SPG11: variants seen among roughly 807,000 people sequenced by gnomAD.
SPG11 encodes SPG11 vesicle trafficking associated, spatacsin, also known as spatacsin.
A neutral mutation model predicts 274.0 loss-of-function variants in SPG11; 222 were observed. The ratio of observed to expected loss-of-function variants is 0.81; its 90% CI spans 0.73 to 0.91. The LOEUF (loss-of-function observed/expected upper bound fraction) is 0.91. Among genes scored for constraint, SPG11 ranks in the 40% least tolerant of loss-of-function variants. SPG11 has a pLI of 0.00. For missense variants in SPG11, 3,114 were observed against 2,872.7 expected (o/e 1.08, Z -1.92); for synonymous variants, 1,144 against 1,039.7 (o/e 1.10, Z -1.93).
At chr15:44,568,027 T>C (rs1248100771) in intron 35 of SPG11, among the ~76,000 whole-genome samples, 2 of 152,178 alleles carry the variant, frequency 1.3e-5, no homozygotes, top group East Asian at 1.9e-4. Context: ...ATTTGGGAAA[T>C]AGTCATGATA....
At chr15:44,653,567 G>A (rs145967995) in intron 4 of SPG11, among the ~76,000 whole-genome samples, 11 of 152,264 alleles carry the variant, frequency 7.2e-5, no homozygotes, top group African/African-American at 2.4e-4. Flanking sequence ...TAGGCATGAG[G>A]AGATCAAGTA....
chr15:44,599,472 G>T (rs998851837), intron 21 of SPG11, among the ~76,000 whole-genome samples: 2 of 151,988 alleles, frequency 1.3e-5, no homozygotes, highest in African/African-American at 4.8e-5. Flanking sequence ...GCTAATTTTT[G>T]TATTTTTAGT....
intron 28 of SPG11, 123 bp downstream of exon 28, chr15:44,589,129 C>G (rs372169961): frequency 3.1e-6 from 3 of 954,280 alleles, no homozygotes; most frequent in Non-Finnish European, 1.6e-6. Context: ...CTTGTTTACT[C>G]CCAGTTGTAG....
intron 14 of SPG11, chr15:44,621,109 G>T (rs926242530): frequency 6.5e-6 from 1 of 153,346 alleles, no homozygotes; most frequent in African/African-American, 2.4e-5. Flanking sequence ...AAATTTCTGG[G>T]ATTACAGGTG....
At chr15:44,563,452 C>T (rs1479453846) in intron 39 of SPG11, 151 bp from the exon 40 acceptor site, 3 of 674,920 alleles carry the variant, frequency 4.4e-6, no homozygotes. Flanking sequence ...GATTCTTGTG[C>T]CTCAGCCTCC....
At chr15:44,567,731 T>A in intron 35 of SPG11, 139 bp from the exon 36 acceptor site, 1 of 886,152 alleles carries the variant, frequency 1.1e-6, no homozygotes, top group Non-Finnish European at 1.8e-6. Context: ...ATACAAGTTT[T>A]ATGCTGTCCC....
chr15:44,566,079 A>G, intron 37 of SPG11, 70 bp from the exon 38 acceptor site: 1 of 1,599,762 alleles, frequency 6.3e-7, no homozygotes, highest in South Asian at 1.1e-5. Flanking sequence ...AACCCTCACA[A>G]CGGTATTCAC....
At position 44,567,390 on chromosome 15, in the gene SPG11, A is replaced by T. The variant is rs745487018; in HGVS notation, c.6754+34T>A. The T allele has an allele frequency of 4.4e-6, 7 of 1,593,568 alleles. No homozygotes were observed. In the Admixed American group the frequency reaches 1.2e-4, roughly 27 times the overall value. On this transcript the variant is annotated intron_variant, in intron 36 of 39. Coordinates refer to ENST00000261866, the MANE Select transcript of SPG11 (RefSeq NM_025137.4). ...AAAGGAATTTTACCTAGCTAGCAGC[A>T]CTGTTCTGGTAGTGTGGCTGTGACC...
chr15:44,591,873 G>T (rs1399136631), intron 27 of SPG11, among the ~76,000 whole-genome samples: 1 of 152,122 alleles, frequency 6.6e-6, no homozygotes, highest in Non-Finnish European at 1.5e-5. Flanking sequence ...ACTTCAGGAG[G>T]CTGAAGTGGG....
intron 20 of SPG11, chr15:44,604,033 C>T (rs556642409): frequency 5.8e-6 from 2 of 343,912 alleles, no homozygotes; most frequent in African/African-American, 4.3e-5. Context: ...CTCTTAACCA[C>T]TTACTACCTA....
intron 28 of SPG11, among the ~76,000 whole-genome samples, chr15:44,586,840 T>C (rs1341364707): frequency 2.6e-5 from 4 of 152,238 alleles, no homozygotes; most frequent in Non-Finnish European, 5.9e-5. Context: ...GGTCATTTGT[T>C]CATTCAATGC....
chr15:44,620,700 A>C (rs62024983), intron 14 of SPG11: 18 of 266,534 alleles, frequency 6.8e-5, no homozygotes, highest in Non-Finnish European at 1.3e-4. Context: ...ATGACCAGGT[A>C]AATTTTTTTT....
intron 20 of SPG11, 114 bp downstream of exon 20, chr15:44,605,911 C>A: frequency 2.2e-6 from 2 of 927,358 alleles, no homozygotes; most frequent in Middle Eastern, 2.1e-4. Flanking sequence ...CTTTGGAATA[C>A]ACCTTTACTT....
intron 30 of SPG11, among the ~76,000 whole-genome samples, chr15:44,580,461 C>A (rs1481590100): frequency 6.6e-6 from 1 of 152,096 alleles, no homozygotes; most frequent in African/African-American, 2.4e-5. Flanking sequence ...CCAATCTGAA[C>A]AACAGAGAGA....
intron 39 of SPG11, among the ~76,000 whole-genome samples, chr15:44,563,530 G>A (rs536865280): frequency 7.2e-5 from 11 of 152,252 alleles, no homozygotes; most frequent in East Asian, 3.9e-4. Context: ...TAGAGACAGC[G>A]TTCTGCTATG....
chr15:44,621,742 G>A lies in SPG11; in HGVS notation c.2620+17C>T. The A allele has an allele frequency of 6.2e-7, 1 of 1,611,288 alleles. No homozygotes were observed. Among genetic ancestry groups the A allele is most frequent in the Non-Finnish European group, 8.5e-7 (1 of 1,177,696 alleles). ...CCTCATTCAGTATGTTCATATTTCA[G>A]GCTCTCTCACACTTGCCTTCTGGAC... is the stretch of plus-strand genomic sequence containing the variant. On this transcript the variant is annotated intron_variant, in intron 14 of 39. Transcript: ENST00000261866.
At chr15:44,660,288 G>C (rs1426367053) in intron 2 of SPG11, 144 bp downstream of exon 2, 1 of 660,158 alleles carries the variant, frequency 1.5e-6, no homozygotes, top group Non-Finnish European at 2.7e-6. Flanking sequence ...CATATTTCAA[G>C]TGCTCAATAG....
Position 44,596,246 on chromosome 15 carries a change from C to A in SPG11, c.4271G>T (p.Cys1424Phe). ...PTSKMDSDQV[C>F]NKCPQELQGS... Reference sequence around the variant, plus strand: ...TTGAAGTTCCTGGGGGCACTTATTGCAGACTTGATCGCTGTCCATTTTGGA... The same window carrying A: ...TTGAAGTTCCTGGGGGCACTTATTGAAGACTTGATCGCTGTCCATTTTGGA... The change falls in exon 25 of 40, where the codon TGC becomes TTC. Residue 1424 changes from cysteine (C) to phenylalanine (F), a missense_variant. Cys to Phe is a radical substitution (Grantham distance 205). Transcript: ENST00000261866. 1 of 1,614,148 alleles carries A rather than the reference C, an allele frequency of 6.2e-7. No homozygotes were observed. Among genetic ancestry groups the A allele is most frequent in the Non-Finnish European group, 8.5e-7 (1 of 1,180,016 alleles).
chr15:44,573,665 A>G lies in SPG11; in HGVS notation c.6087T>C (p.Pro2029=). 1.2e-6 allele frequency: 2 copies of G among 1,614,242 alleles called. No individual in the cohort carries two copies. Among genetic ancestry groups the G allele is most frequent in the Middle Eastern group, 1.6e-4 (1 of 6,062 alleles). Residue 2029 remains proline (P), a synonymous_variant, in exon 32 of 40, where the codon CCT becomes CCC. Coordinates refer to ENST00000261866, the MANE Select transcript of SPG11 (RefSeq NM_025137.4). ...MLRKILASQQ[P]DRCKRAQAFI... is the part of the protein sequence containing the mutation. ...AGGCCTGGGCTCGTTTGCATCGGTC[A>G]GGCTGCTGAGAGGCCAAGATTTTCC...
Sources: allele counts gnomAD v4.1 joint callset (sites outside exome capture counted in the v4.1 genomes callset), GRCh38; gene constraint gnomAD v4.1.1; transcripts MANE v1.5; gene names NCBI Gene and HGNC (gene_info 2026-07-23, HGNC 2026-07-21).